The following HUWE1 variants were observed in gnomAD, a reference collection of about 807,000 sequenced individuals.
HUWE1 encodes the protein E3 ubiquitin-protein ligase HUWE1.
Under a neutral mutation model 299.4 loss-of-function variants are expected in HUWE1, and 18 were observed. That is an observed-to-expected ratio of 0.06 (90% CI 0.04 to 0.09). HUWE1 has a LOEUF of 0.09. HUWE1 is among the 10% of genes least tolerant of loss of function. The probability of loss-of-function intolerance (pLI) is 1.00; values close to 1 mark genes in which losing one functional copy is unlikely to be tolerated. For missense variants in HUWE1, 1,832 were observed against 3,462.3 expected (o/e 0.53, Z 11.82); for synonymous variants, 1,317 against 1,286.1 (o/e 1.02, Z -0.51).
chrX:53,630,608 G>C (rs1275961392), intron 12 of HUWE1, among the ~76,000 whole-genome samples: 4 of 109,075 alleles, frequency 3.7e-5, no homozygotes, highest in African/African-American at 1.3e-4. Flanking sequence ...GATGAGAGAG[G>C]AGGAAGACAC....
intron 3 of HUWE1, among the ~76,000 whole-genome samples, chrX:53,661,693 T>C (rs914410952): frequency 4.6e-4 from 52 of 112,503 alleles, no homozygotes; most frequent in East Asian, 4.2e-3. Flanking sequence ...ATAATAAACA[T>C]TGCTTCCTAA....
At chrX:53,613,108 A>G (rs2065590061) in intron 23 of HUWE1, among the ~76,000 whole-genome samples, 1 of 111,819 alleles carries the variant, frequency 8.9e-6, no homozygotes, top group African/African-American at 3.3e-5. Flanking sequence ...TCTACAAAAA[A>G]AAGTCGTGCT....
chrX:53,535,927 T>TTG, intron 80 of HUWE1: 1 of 296,223 alleles, frequency 3.4e-6, no homozygotes. Flanking sequence ...CTGGAGTTTT[T>TTG]TTTTTTTTTT....
At chrX:53,551,554 C>G in intron 63 of HUWE1, 74 bp from the exon 64 acceptor site, 1 of 961,801 alleles carries the variant, frequency 1.0e-6, no homozygotes, top group South Asian at 2.1e-5. Flanking sequence ...GTCTGTTGCC[C>G]AGGCTGGAGT....
chrX:53,580,707 C>CG, intron 43 of HUWE1, 124 bp downstream of exon 43: 1 of 641,946 alleles, frequency 1.6e-6, no homozygotes, highest in Non-Finnish European at 2.5e-6. Flanking sequence ...ATCAATTAGC[C>CG]AGCAAATGTC....
rs782673268 is a variant in HUWE1 at position 53,614,740 on chromosome X, A to G, written c.2055T>C (p.Leu685=). ...TDATTAIIKL[L]EEICNLGRDP... ...CCCTTCCAAGATTACAGATTTCTTC[A>G]AGTAACTGAAAGGCACAGGAAATAA... Residue 685 remains leucine, a synonymous_variant, in exon 23 of 84, where the codon CTT becomes CTC. Transcript: ENST00000262854. The G allele has an allele frequency of 3.5e-6, 4 of 1,158,642 alleles. No individual in the cohort carries two copies. The highest frequency in any genetic ancestry group is 4.7e-6 in the Non-Finnish European group (4 of 849,238).
In HUWE1 at chrX:53,593,348, A is replaced by C. The variant is rs782295703; in HGVS notation, c.3741+16T>G. On this transcript the variant is annotated intron_variant, in intron 32 of 83. Coordinates refer to ENST00000262854, the MANE Select transcript of HUWE1 (RefSeq NM_031407.7). ...CATGAGAAATTCCTTTTGATTTTAGAATACTGAATACTCACTTTCTGAGTT... is the reference window on the plus strand; with the variant it reads ...CATGAGAAATTCCTTTTGATTTTAGCATACTGAATACTCACTTTCTGAGTT... The C allele has an allele frequency of 4.9e-5, 52 of 1,059,502 alleles. No individual in the cohort carries two copies. The highest frequency in any genetic ancestry group is 5.6e-4 in the Middle Eastern group (2 of 3,569). The allele number at this position is 1,059,502 out of a possible 1,213,427, so 87.3% of individuals were successfully genotyped here. A position where few individuals can be genotyped will look rare whatever the true frequency, so the allele number is the denominator to read the frequency against.
intron 47 of HUWE1, among the ~76,000 whole-genome samples, chrX:53,572,957 A>C (rs1206128960): frequency 3.6e-5 from 4 of 110,922 alleles, no homozygotes; most frequent in Non-Finnish European, 7.6e-5. Context: ...AATTAAAAAA[A>C]CCCCCACAAA....
chrX:53,599,563 A>T (rs2064705813), intron 29 of HUWE1, among the ~76,000 whole-genome samples: 1 of 112,474 alleles, frequency 8.9e-6, no homozygotes, highest in Non-Finnish European at 1.9e-5. Context: ...CTGCCAATAC[A>T]GTCTCAATAA....
At chrX:53,653,101 G>A (rs1268725937) in intron 4 of HUWE1, among the ~76,000 whole-genome samples, 4 of 111,783 alleles carry the variant, frequency 3.6e-5, no homozygotes, top group Non-Finnish European at 5.6e-5. Context: ...AGCTGTGATC[G>A]TGCCACTGCA....
intron 19 of HUWE1, among the ~76,000 whole-genome samples, chrX:53,622,078 A>G (rs782487774): frequency 8.9e-6 from 1 of 112,130 alleles, no homozygotes; most frequent in South Asian, 3.7e-4. Context: ...GAGTCAGAAT[A>G]TTTAGTGGGT....
At chrX:53,555,979 ACATT>A (rs1402677873) in intron 60 of HUWE1, among the ~76,000 whole-genome samples, 1 of 112,243 alleles carries the variant, frequency 8.9e-6, no homozygotes, top group African/African-American at 3.2e-5. Flanking sequence ...TCCCTTGCAC[ACATT>A]CCTGTTCTAT....
At chrX:53,685,674 T>C (rs1557055389) in intron 2 of HUWE1, among the ~76,000 whole-genome samples, 2 of 112,113 alleles carry the variant, frequency 1.8e-5, no homozygotes, top group Non-Finnish European at 3.8e-5. Context: ...TAATACGTGT[T>C]GGCATAACTG....
At chrX:53,572,365 T>C (rs1556952532) in intron 47 of HUWE1, among the ~76,000 whole-genome samples, 1 of 111,722 alleles carries the variant, frequency 9.0e-6, no homozygotes, top group Non-Finnish European at 1.9e-5. Context: ...ACTTGGCTAG[T>C]GGTTACCTAG....
chrX:53,685,077 G>A (rs201940410), intron 2 of HUWE1, among the ~76,000 whole-genome samples: 7 of 112,307 alleles, frequency 6.2e-5, no homozygotes, highest in East Asian at 2.8e-4. Context: ...ATCCAATCTG[G>A]CTTGATTTGT....
chrX:53,588,570 G>C, intron 36 of HUWE1, 36 bp from the exon 37 acceptor site: 1 of 1,167,044 alleles, frequency 8.6e-7, no homozygotes, highest in Non-Finnish European at 1.2e-6. Context: ...TCACGGAACC[G>C]CAGAGCAAGA....
chrX:53,675,317 A>G (rs1355969247), intron 3 of HUWE1, among the ~76,000 whole-genome samples: 2 of 111,717 alleles, frequency 1.8e-5, no homozygotes, highest in Non-Finnish European at 3.8e-5. Flanking sequence ...GAAATCCAAT[A>G]TTGGCCCAAA....
chrX:53,583,976 G>A (rs2063744024), intron 41 of HUWE1, 60 bp from the exon 42 acceptor site: 4 of 962,835 alleles, frequency 4.2e-6, no homozygotes, highest in Admixed American at 2.2e-5. Flanking sequence ...TTCCTCCCAC[G>A]CCTCCCTCCT....
rs200536201 is a variant in HUWE1 at position 53,554,746 on chromosome X, C to T, written c.8381G>A (p.Gly2794Glu). The change falls in exon 61 of 84, where the codon GGG becomes GAG. Residue 2794 changes from glycine to glutamate, a missense_variant. Transcript: ENST00000262854. ...CATCAATAGCTGTGTAGAGCTGCCC[C>T]CTTCTCCAGCTGGAGACTGCAGCTC... The part of the protein sequence containing the change: ...PQELQSPAGE[G>E]GSSTQLLMPV... 2 of 1,209,733 alleles carry T rather than the reference C, an allele frequency of 1.7e-6. No homozygotes were observed. Among genetic ancestry groups the T allele is most frequent in the Non-Finnish European group, 2.2e-6 (2 of 894,664 alleles).
Sources: allele counts gnomAD v4.1 joint callset (sites outside exome capture counted in the v4.1 genomes callset), GRCh38; gene constraint gnomAD v4.1.1; transcripts MANE v1.5; gene names NCBI Gene and HGNC (gene_info 2026-07-23, HGNC 2026-07-21).